Variants in ITPR2 observed in about 807,000 individuals in gnomAD.
ITPR2 encodes inositol 1,4,5-trisphosphate receptor type 2.
A neutral mutation model predicts 317.1 loss-of-function variants in ITPR2; 207 were observed. That is an observed-to-expected ratio of 0.65 (90% CI 0.58 to 0.73). The LOEUF (loss-of-function observed/expected upper bound fraction) is 0.73. ITPR2 is among the 30% of genes least tolerant of loss of function. The probability of loss-of-function intolerance (pLI) is 0.00; values close to 1 mark genes in which losing one functional copy is unlikely to be tolerated. For missense variants in ITPR2, 2,613 were observed against 3,284.0 expected, an observed-to-expected ratio of 0.80 and a Z score of 4.99; for synonymous variants, 1,156 against 1,149.1, an observed-to-expected ratio of 1.01 and a Z score of -0.12.
Position 26,788,628 on chromosome 12 carries a change from C to T in ITPR2, c.163+1529G>A, listed in dbSNP as rs910167851. ...TTCCTCAGTTTAGCAAGTTCTCACC[C>T]ACATTCCTCCACATATGGCCTCTAT... On this transcript the variant is annotated intron_variant, in intron 2 of 56. Transcript: ENST00000381340. Among the ~76,000 whole-genome samples, 31 of 152,192 alleles carry T rather than the reference C, an allele frequency of 2.0e-4. 1 individual carries two copies. The highest frequency in any genetic ancestry group is 2.0e-3 in the Admixed American group (30 of 15,278).
At chr12:26,433,704 T>C (rs939303217) in intron 48 of ITPR2, among the ~76,000 whole-genome samples, 1 of 152,120 alleles carries the variant, frequency 6.6e-6, no homozygotes, top group Non-Finnish European at 1.5e-5. Flanking sequence ...AAGAAATGAA[T>C]AAGGCACAAT....
At chr12:26,810,214 C>T (rs1950709466) in intron 1 of ITPR2, among the ~76,000 whole-genome samples, 2 of 152,222 alleles carry the variant, frequency 1.3e-5, no homozygotes, top group Admixed American at 1.3e-4. Flanking sequence ...AGTAGAACTA[C>T]CCCATTCCTT....
intron 37 of ITPR2, among the ~76,000 whole-genome samples, chr12:26,526,648 G>C (rs1208829821): frequency 6.6e-6 from 1 of 152,162 alleles, no homozygotes; most frequent in Non-Finnish European, 1.5e-5. Context: ...AAGATTGGAG[G>C]TTACAAATAC....
chr12:26,445,203 G>A (rs896202828), intron 45 of ITPR2, among the ~76,000 whole-genome samples: 2 of 152,126 alleles, frequency 1.3e-5, no homozygotes, highest in South Asian at 2.1e-4. Context: ...GTTTAGAAAC[G>A]TCATTTACTA....
chr12:26,685,852 C>T (rs937970872), intron 11 of ITPR2, among the ~76,000 whole-genome samples: 2 of 152,156 alleles, frequency 1.3e-5, no homozygotes, highest in African/African-American at 2.4e-5. Context: ...TCATTCAGAT[C>T]GTTATTCAAA....
intron 10 of ITPR2, among the ~76,000 whole-genome samples, chr12:26,693,141 T>C (rs1295515394): frequency 2.6e-5 from 4 of 152,192 alleles, no homozygotes; most frequent in African/African-American, 9.7e-5. Context: ...GTTGGATGTC[T>C]CCCTGAGATG....
chr12:26,571,925 T>C (rs369595236), intron 34 of ITPR2, among the ~76,000 whole-genome samples: 2 of 152,242 alleles, frequency 1.3e-5, no homozygotes, highest in East Asian at 1.9e-4. Context: ...GTTGAGCTAC[T>C]GTACTTGAGA....
chr12:26,690,463 CA>C (rs1301235793), intron 10 of ITPR2, among the ~76,000 whole-genome samples: 4 of 152,184 alleles, frequency 2.6e-5, no homozygotes, highest in Admixed American at 2.6e-4. Context: ...GCCTTTGATA[CA>C]TATTCTCCTT....
At chr12:26,722,363 C>A (rs1415796499) in intron 5 of ITPR2, 34 bp downstream of exon 5, 8 of 1,524,432 alleles carry the variant, frequency 5.2e-6, no homozygotes, top group Non-Finnish European at 7.1e-6. Context: ...TCTTTATGAA[C>A]CCACTATTTC....
At chr12:26,396,147 T>A (rs1388417572) in intron 54 of ITPR2, among the ~76,000 whole-genome samples, 1 of 152,052 alleles carries the variant, frequency 6.6e-6, no homozygotes, top group Non-Finnish European at 1.5e-5. Flanking sequence ...CACATACATC[T>A]ATTGTGAAGA....
chr12:26,388,856 T>C (rs1939746402), intron 54 of ITPR2, among the ~76,000 whole-genome samples: 1 of 152,154 alleles, frequency 6.6e-6, no homozygotes, highest in Non-Finnish European at 1.5e-5. Flanking sequence ...CATGCCCAAA[T>C]AAACTACAAT....
chr12:26,463,225 A>G (rs1423328422), intron 45 of ITPR2, among the ~76,000 whole-genome samples: 1 of 152,240 alleles, frequency 6.6e-6, no homozygotes, highest in Non-Finnish European at 1.5e-5. Context: ...ACAATCATTA[A>G]ATAATCATTT....
chr12:26,416,641 C>T (rs1371583497), intron 50 of ITPR2, among the ~76,000 whole-genome samples: 1 of 152,082 alleles, frequency 6.6e-6, no homozygotes, highest in South Asian at 2.1e-4. Context: ...TGCTATTTTA[C>T]GATGGTTAAA....
intron 32 of ITPR2, among the ~76,000 whole-genome samples, chr12:26,593,175 A>C (rs1366041957): frequency 6.6e-6 from 1 of 152,204 alleles, no homozygotes; most frequent in Non-Finnish European, 1.5e-5. Flanking sequence ...AGTGATTCTC[A>C]AAGTGTGGTC....
intron 55 of ITPR2, among the ~76,000 whole-genome samples, chr12:26,379,443 G>C (rs1939439907): frequency 6.6e-6 from 1 of 152,122 alleles, no homozygotes; most frequent in Non-Finnish European, 1.5e-5. Context: ...TGTTGTTAGT[G>C]GCATGATTTT....
intron 34 of ITPR2, among the ~76,000 whole-genome samples, chr12:26,567,721 T>C (rs1317369729): frequency 2.0e-5 from 3 of 151,614 alleles, no homozygotes; most frequent in Non-Finnish European, 2.9e-5. Context: ...ATAGTATAAA[T>C]ACTAATCCAA....
Position 26,545,358 on chromosome 12 carries a change from G to C in ITPR2, c.5073+4889C>G, listed in dbSNP as rs974248672. Among the ~76,000 whole-genome samples, 3 of 152,154 alleles carry C rather than the reference G, an allele frequency of 2.0e-5. No homozygotes were observed. The East Asian group carries it at 5.8e-4, about 29-fold the overall frequency. ...GGAGACAGGAGCATCAGAGTAGGAC[G>C]AGATGTGACAATTGTGGGAAGGGGG... On this transcript the variant is annotated intron_variant, in intron 37 of 56. Coordinates refer to ENST00000381340, the MANE Select transcript of ITPR2 (RefSeq NM_002223.4).
At chr12:26,522,316 A>G (rs1943687142) in intron 37 of ITPR2, among the ~76,000 whole-genome samples, 2 of 152,218 alleles carry the variant, frequency 1.3e-5, no homozygotes, top group African/African-American at 4.8e-5. Flanking sequence ...AGCTTAGACT[A>G]TTAGACATGA....
At chr12:26,771,990 T>C (rs531475163) in intron 2 of ITPR2, among the ~76,000 whole-genome samples, 1 of 152,162 alleles carries the variant, frequency 6.6e-6, no homozygotes, top group East Asian at 1.9e-4. Context: ...TAAATAAATA[T>C]TAGTTATTTA....
Sources: gnomAD v4.1 joint callset for allele counts (sites outside exome capture counted in the v4.1 genomes callset) on GRCh38, gnomAD v4.1.1 for gene constraint, MANE v1.5 for transcripts, NCBI Gene and HGNC (gene_info 2026-07-23, HGNC 2026-07-21) for gene names.